Variants in SWT1 observed in about 807,000 individuals in gnomAD.
SWT1 encodes the protein transcriptional protein SWT1.
In SWT1, 33 loss-of-function variants were observed where a neutral mutation model predicts 107.3. The ratio of observed to expected loss-of-function variants is 0.31; its 90% confidence interval spans 0.23 to 0.41. The LOEUF (loss-of-function observed/expected upper bound fraction) is 0.41, where lower values mean the gene tolerates loss of function less well. Among genes scored for constraint, SWT1 ranks in the 10% least tolerant of loss-of-function variants. SWT1 has a pLI of 1.00. For synonymous variants in SWT1, 345 were observed against 348.3 expected (o/e 0.99, Z 0.11); for missense variants, 898 against 1,028.9 (o/e 0.87, Z 1.74).
intron 15 of SWT1, among the ~76,000 whole-genome samples, chr1:185,224,201 C>T (rs894416588): frequency 6.6e-5 from 10 of 151,976 alleles, no homozygotes; most frequent in Admixed American, 1.3e-4. Flanking sequence ...AAGCTTTTTC[C>T]CAATGTGTGT....
At position 185,174,959 on chromosome 1, in the gene SWT1, A is replaced by T; in HGVS notation, c.812A>T (p.Glu271Val). Residue 271 changes from glutamate to valine, a missense_variant, in exon 5 of 19, where the codon GAA (glutamate) becomes GTA (valine). Physicochemically the swap from Glu to Val is moderately radical, Grantham distance 121. This residue lies in a region of SWT1 where 382 missense variants were observed against 362.4 expected (regional missense o/e 1.05). Transcript: ENST00000367500. ...KTKQEEREYL[E>V]SSQVSLNVTR... ...AAGCAGGAAGAAAGAGAATACCTGGAAAGCTCCCAGGTTTCATTAAATGTG... is the reference window on the plus strand; with the variant it reads ...AAGCAGGAAGAAAGAGAATACCTGGTAAGCTCCCAGGTTTCATTAAATGTG... 1 of 1,613,996 alleles carries T rather than the reference A, an allele frequency of 6.2e-7. No individual in the cohort carries two copies. The highest frequency in any genetic ancestry group is 8.5e-7 in the Non-Finnish European group (1 of 1,179,982).
intron 9 of SWT1, among the ~76,000 whole-genome samples, chr1:185,185,718 A>G (rs1656412558): frequency 6.6e-6 from 1 of 152,176 alleles, no homozygotes. Context: ...TAACTATGAG[A>G]AGGCTTTAAA....
intron 16 of SWT1, among the ~76,000 whole-genome samples, chr1:185,246,825 C>G (rs1045970712): frequency 6.8e-6 from 1 of 148,074 alleles, no homozygotes; most frequent in Non-Finnish European, 1.5e-5. Flanking sequence ...GATAAGATCT[C>G]ACTATGTCCT....
chr1:185,218,971 A>C (rs920673525), intron 14 of SWT1, among the ~76,000 whole-genome samples: 4 of 152,210 alleles, frequency 2.6e-5, no homozygotes, highest in Non-Finnish European at 5.9e-5. Flanking sequence ...CCACTTGCGT[A>C]GTATATACAC....
chr1:185,225,403 A>C (rs1659973465), intron 15 of SWT1, among the ~76,000 whole-genome samples: 1 of 152,028 alleles, frequency 6.6e-6, no homozygotes, highest in Admixed American at 6.6e-5. Context: ...TCTAGTTTTG[A>C]AATTGGTAAT....
intron 18 of SWT1, among the ~76,000 whole-genome samples, chr1:185,286,297 C>T (rs746552000): frequency 4.6e-5 from 7 of 152,266 alleles, no homozygotes; most frequent in Admixed American, 6.5e-5. Flanking sequence ...GATCTCGGCT[C>T]ACTGCAACCT....
At chr1:185,246,496 C>T (rs994796554) in intron 16 of SWT1, among the ~76,000 whole-genome samples, 12 of 151,770 alleles carry the variant, frequency 7.9e-5, no homozygotes, top group South Asian at 2.1e-4. Context: ...AGGCTGGTCT[C>T]GAACTCCTGG....
Position 185,180,451 on chromosome 1 carries a change from G to A in SWT1, c.1026+1G>A. ...AAGTATCCAGGATGCAGATCAAGAGGTTATTGATATTCTTGTTTACTTTGA... is the reference window on the plus strand; with the variant it reads ...AAGTATCCAGGATGCAGATCAAGAGATTATTGATATTCTTGTTTACTTTGA... On this transcript the variant is annotated splice_donor_variant, in intron 6 of 18. Transcript: ENST00000367500. LOFTEE classifies it high-confidence loss of function. The A allele has an allele frequency of 6.2e-7, 1 of 1,602,646 alleles. No homozygotes were observed. Among genetic ancestry groups the A allele is most frequent in the Non-Finnish European group, 8.5e-7 (1 of 1,169,714 alleles).
At chr1:185,160,981 G>T in intron 2 of SWT1, 56 bp downstream of exon 2, 1 of 1,287,802 alleles carries the variant, frequency 7.8e-7, no homozygotes, top group Non-Finnish European at 1.1e-6. Context: ...TTTGCTTAAT[G>T]AAAAAAATAC....
chr1:185,188,583 A>G (rs527787783), intron 9 of SWT1, among the ~76,000 whole-genome samples: 9 of 152,206 alleles, frequency 5.9e-5, no homozygotes, highest in Non-Finnish European at 1.2e-4. Context: ...TGAACTCCTA[A>G]AGAGTTTGTC....
intron 2 of SWT1, among the ~76,000 whole-genome samples, 183 bp from the exon 3 acceptor site, chr1:185,166,389 T>A (rs1346083254): frequency 5.3e-5 from 8 of 152,238 alleles, no homozygotes; most frequent in Non-Finnish European, 8.8e-5. Flanking sequence ...ATTTAGGGGT[T>A]CTGGCTTCTA....
intron 16 of SWT1, among the ~76,000 whole-genome samples, chr1:185,268,277 A>G (rs1401327946): frequency 2.0e-5 from 3 of 152,234 alleles, no homozygotes; most frequent in Non-Finnish European, 4.4e-5. Flanking sequence ...TTAGAATACA[A>G]TTCTGTGATA....
chr1:185,286,039 ATTCT>A (rs1664926637), intron 18 of SWT1, among the ~76,000 whole-genome samples: 2 of 152,160 alleles, frequency 1.3e-5, no homozygotes, highest in African/African-American at 4.8e-5. Context: ...ATGCCTTGCA[ATTCT>A]ATCTGAATTT....
intron 16 of SWT1, among the ~76,000 whole-genome samples, chr1:185,232,381 C>G (rs1042654251): frequency 2.6e-5 from 4 of 152,146 alleles, no homozygotes; most frequent in Admixed American, 6.5e-5. Context: ...CCATACTTGA[C>G]AGTATATTTT....
rs201316875 is a variant in SWT1, at chr1:185,172,365, AAT to A, written c.225-2004_225-2003del. On this transcript the variant is annotated intron_variant, in intron 4 of 18. Coordinates refer to ENST00000367500, the MANE Select transcript of SWT1 (RefSeq NM_017673.7). ...TGTATCCTGCTTGTTTTTGATTTTC[AAT>A]ATGTTTTATGTCACTGAAGACTTTT... Among the ~76,000 whole-genome samples the A allele has an allele frequency of 4.0e-3, 615 of 152,242 alleles. 5 individuals carry two copies. The highest frequency in any genetic ancestry group is 0.014 in the African/African-American group (590 of 41,548).
At chr1:185,281,579 G>C in intron 18 of SWT1, 1 of 233,448 alleles carries the variant, frequency 4.3e-6, no homozygotes, top group Non-Finnish European at 8.7e-6. Context: ...TGTCAGCCCT[G>C]ATGAGTTTGT....
At chr1:185,248,509 AT>A (rs1233639382) in intron 16 of SWT1, among the ~76,000 whole-genome samples, 8 of 152,138 alleles carry the variant, frequency 5.3e-5, no homozygotes, top group Non-Finnish European at 1.0e-4. Flanking sequence ...CTGTGCTGGA[AT>A]GATTCACCTG....
intron 9 of SWT1, among the ~76,000 whole-genome samples, chr1:185,189,085 C>A (rs1656727636): frequency 6.6e-6 from 1 of 152,064 alleles, no homozygotes; most frequent in African/African-American, 2.4e-5. Context: ...CTCAAGTGGT[C>A]CTCCCTCCTC....
At chr1:185,244,584 G>A (rs1278704051) in intron 16 of SWT1, among the ~76,000 whole-genome samples, 3 of 152,176 alleles carry the variant, frequency 2.0e-5, no homozygotes, top group African/African-American at 7.2e-5. Context: ...TGGTGAGTCA[G>A]TGGGTGAGTG....
Sources: allele counts gnomAD v4.1 joint callset (sites outside exome capture counted in the v4.1 genomes callset), GRCh38; gene constraint gnomAD v4.1.1; regional missense constraint gnomAD v4.1.1; transcripts MANE v1.5; gene names NCBI Gene and HGNC (gene_info 2026-07-23, HGNC 2026-07-21).